The following CPSF2 variants were observed in gnomAD, a reference collection of about 807,000 sequenced individuals.
CPSF2 encodes cleavage and polyadenylation specific factor 2.
CPSF2 carries 51 observed loss-of-function variants against 84.2 expected under a neutral mutation model. The ratio of observed to expected loss-of-function variants is 0.61; its 90% CI spans 0.48 to 0.77. The LOEUF is 0.77. Ranked by LOEUF, CPSF2 falls within the 30% of genes least tolerant of loss-of-function variation. CPSF2 has a pLI of 0.00. For missense variants in CPSF2, 641 were observed against 929.4 expected, an observed-to-expected ratio of 0.69 and a Z score of 4.03; for synonymous variants, 286 against 311.9, an observed-to-expected ratio of 0.92 and a Z score of 0.87.
chr14:92,159,430 G>A, intron 14 of CPSF2, 148 bp downstream of exon 14: 1 of 645,878 alleles, frequency 1.5e-6, no homozygotes, highest in South Asian at 2.1e-5. Context: ...ATGTCAGCTG[G>A]GGGCAGTGAC....
chr14:92,136,444 C>G (rs1439639379), intron 6 of CPSF2, among the ~76,000 whole-genome samples: 2 of 152,204 alleles, frequency 1.3e-5, no homozygotes, highest in East Asian at 3.8e-4. Context: ...CAAACTGTGT[C>G]TGCCACCCAG....
intron 2 of CPSF2, among the ~76,000 whole-genome samples, chr14:92,130,066 A>G (rs2068896198): frequency 1.3e-5 from 2 of 152,100 alleles, no homozygotes; most frequent in South Asian, 2.1e-4. Context: ...TGTTCATGTT[A>G]TATTTTCCTG....
rs61186732 is a variant in CPSF2 at position 92,167,014 on chromosome 14, C to CTTTTTTTTTTT, written c.*5275_*5285dup. 2.3e-5 allele frequency: 3 copies of CTTTTTTTTTTT among 128,956 alleles called. No homozygotes were observed. Among genetic ancestry groups the CTTTTTTTTTTT allele is most frequent in the Admixed American group, 1.7e-4 (2 of 11,934 alleles). 8.0% of individuals were successfully genotyped at this position (128,956 alleles called of 1,614,324 possible). ...TTCTGCTTATCGATTTCTTTTTTTT[C>CTTTTTTTTTTT]TTTTTTTTTTTTTTTGAGATAGCAT... On this transcript the variant is annotated 3_prime_UTR_variant, in exon 16 of 16. Transcript: ENST00000298875.
chr14:92,165,721 G>A lies in CPSF2; in HGVS notation c.*3977G>A, dbSNP rs1408063980. 1 of 151,614 alleles carries A rather than the reference G, an allele frequency of 6.6e-6. No homozygotes were observed. The highest frequency in any genetic ancestry group is 6.6e-5 in the Admixed American group (1 of 15,210). The allele number at this position is 151,614 out of a possible 1,614,324, so 9.4% of individuals were successfully genotyped here. A position where few individuals can be genotyped will look rare whatever the true frequency, so the allele number is the denominator to read the frequency against. ...ATACTAAACCATTATATATTGATTT[G>A]CAAGTATTTTATTCCATTCTGTGGC... On this transcript the variant is annotated 3_prime_UTR_variant, in exon 16 of 16. Coordinates refer to ENST00000298875, the MANE Select transcript of CPSF2 (RefSeq NM_017437.3).
chr14:92,160,007 G>C (rs1270033469), intron 14 of CPSF2, among the ~76,000 whole-genome samples: 1 of 151,968 alleles, frequency 6.6e-6, no homozygotes, highest in Admixed American at 6.6e-5. Context: ...CTGTTGCCCA[G>C]GATTGAGTGC....
intron 6 of CPSF2, among the ~76,000 whole-genome samples, chr14:92,137,474 GT>G (rs1379859764): frequency 1.3e-5 from 2 of 152,184 alleles, no homozygotes; most frequent in East Asian, 3.8e-4. Context: ...CTCCCAAAGT[GT>G]TGGGATTACA....
At chr14:92,123,384 G>T (rs28698177) in intron 1 of CPSF2, among the ~76,000 whole-genome samples, 14,904 of 151,528 alleles carry the variant, frequency 0.098, 811 homozygotes, top group African/African-American at 0.15. Flanking sequence ...GATTACAGGC[G>T]TGAGCCACCG....
chr14:92,125,978 G>T (rs1268592440), intron 1 of CPSF2, 144 bp from the exon 2 acceptor site: 3 of 152,094 alleles, frequency 2.0e-5, no homozygotes, highest in Non-Finnish European at 4.4e-5. Context: ...ATTAATGACA[G>T]ATCTCTTTTT....
intron 7 of CPSF2, 82 bp downstream of exon 7, chr14:92,138,429 C>A: frequency 3.0e-6 from 2 of 663,292 alleles, no homozygotes; most frequent in Non-Finnish European, 4.7e-6. Flanking sequence ...CATAAAAGTA[C>A]AGGTTTCTTT....
At chr14:92,129,188 C>T (rs1005158289) in intron 2 of CPSF2, among the ~76,000 whole-genome samples, 10 of 151,894 alleles carry the variant, frequency 6.6e-5, no homozygotes, top group Admixed American at 1.3e-4. Flanking sequence ...TTGAGAAGGC[C>T]GTAAGAGGAA....
chr14:92,132,907 A>T, intron 3 of CPSF2, among the ~76,000 whole-genome samples: 1 of 151,964 alleles, frequency 6.6e-6, no homozygotes, highest in East Asian at 1.9e-4. Flanking sequence ...CCTGGCCAAC[A>T]TGGTGAAAGT....
At chr14:92,136,749 C>G (rs762520306) in intron 6 of CPSF2, among the ~76,000 whole-genome samples, 1 of 152,092 alleles carries the variant, frequency 6.6e-6, no homozygotes, top group Non-Finnish European at 1.5e-5. Context: ...CGTTCAGTCT[C>G]GTAGTAACCG....
intron 7 of CPSF2, among the ~76,000 whole-genome samples, chr14:92,139,950 ATTTTTTTTTTTT>A (rs34354391): frequency 2.0e-5 from 2 of 97,634 alleles, no homozygotes; most frequent in Admixed American, 1.2e-4. Flanking sequence ...AAGTACAACT[ATTTTTTTTTTTT>A]TTTTTTTTTT....
intron 9 of CPSF2, among the ~76,000 whole-genome samples, chr14:92,146,367 A>G (rs1376492351): frequency 2.0e-5 from 3 of 152,142 alleles, no homozygotes; most frequent in Non-Finnish European, 4.4e-5. Flanking sequence ...TAAAAATACA[A>G]AAAATTAGCC....
intron 1 of CPSF2, chr14:92,122,429 AG>A (rs1387680692): frequency 2.5e-5 from 4 of 157,286 alleles, no homozygotes; most frequent in African/African-American, 9.7e-5. Context: ...GCGCTGGAAG[AG>A]TTAAACCGAC....
chr14:92,143,334 G>T, intron 9 of CPSF2, 40 bp downstream of exon 9: 1 of 1,303,230 alleles, frequency 7.7e-7, no homozygotes, highest in South Asian at 1.3e-5. Flanking sequence ...AAACTGTTTG[G>T]GGGATACATT....
chr14:92,125,981 C>T (rs1339018539), intron 1 of CPSF2, 141 bp from the exon 2 acceptor site: 5 of 152,154 alleles, frequency 3.3e-5, no homozygotes, highest in African/African-American at 1.2e-4. Flanking sequence ...AATGACAGAT[C>T]TCTTTTTTAA....
intron 15 of CPSF2, 133 bp from the exon 16 acceptor site, chr14:92,161,519 C>G (rs533138610): frequency 1.6e-6 from 1 of 611,862 alleles, no homozygotes; most frequent in African/African-American, 1.9e-5. Context: ...AATATTATAT[C>G]CATATGCTGT....
chr14:92,150,403 C>T (rs887034658), intron 9 of CPSF2, among the ~76,000 whole-genome samples: 2 of 151,344 alleles, frequency 1.3e-5, no homozygotes, highest in East Asian at 3.9e-4. Flanking sequence ...ATTACAGGCG[C>T]GAGTCACCGC....
Sources: allele counts gnomAD v4.1 joint callset (sites outside exome capture counted in the v4.1 genomes callset), GRCh38; gene constraint gnomAD v4.1.1; transcripts MANE v1.5; gene names NCBI Gene and HGNC (gene_info 2026-07-23, HGNC 2026-07-21).